ZHX2: variants seen among roughly 807,000 people sequenced by gnomAD.
The protein encoded by ZHX2 is zinc fingers and homeoboxes 2, also known as zinc fingers and homeoboxes protein 2.
Under a neutral mutation model 21.9 loss-of-function variants are expected in ZHX2, and 6 were observed. The ratio of observed to expected loss-of-function variants is 0.27; its 90% CI spans 0.15 to 0.54. ZHX2 has a LOEUF of 0.54. Ranked by LOEUF, ZHX2 falls within the 20% of genes least tolerant of loss-of-function variation. The pLI is 0.95. For synonymous variants in ZHX2, 434 were observed against 437.1 expected (o/e 0.99, Z 0.09); for missense variants, 908 against 1,090.7 (o/e 0.83, Z 2.36).
chr8:122,960,075 C>T (rs1813405874), intron 3 of ZHX2, among the ~76,000 whole-genome samples: 1 of 152,178 alleles, frequency 6.6e-6, no homozygotes, highest in South Asian at 2.1e-4. Context: ...CCCAGCATGT[C>T]CCTGCCCTCA....
intron 2 of ZHX2, among the ~76,000 whole-genome samples, chr8:122,929,835 G>A (rs898854458): frequency 1.3e-5 from 2 of 152,240 alleles, no homozygotes; most frequent in Admixed American, 6.5e-5. Flanking sequence ...ACTCTATGGC[G>A]CTATGGGAAG....
chr8:122,866,591 C>T lies in ZHX2; in HGVS notation c.-220+3052C>T, dbSNP rs144043014. On this transcript the variant is annotated intron_variant, in intron 2 of 3. Transcript: ENST00000314393. ...TATTCTAGATTCCTTTTCCCATCAA[C>T]CCCCCTGACATCTGCCAGGTGGCCA... Among the ~76,000 whole-genome samples the T allele has an allele frequency of 3.9e-3, 589 of 152,266 alleles. 4 individuals carry two copies. Among genetic ancestry groups the T allele is most frequent in the African/African-American group, 0.013 (561 of 41,556 alleles).
At chr8:122,892,666 G>A (rs1477902091) in intron 2 of ZHX2, among the ~76,000 whole-genome samples, 1 of 152,008 alleles carries the variant, frequency 6.6e-6, no homozygotes, top group East Asian at 1.9e-4. Context: ...ACTCCATTAA[G>A]CATGTCTTTT....
At chr8:122,789,562 C>T (rs928216059) in intron 1 of ZHX2, among the ~76,000 whole-genome samples, 2 of 152,120 alleles carry the variant, frequency 1.3e-5, no homozygotes, top group Non-Finnish European at 1.5e-5. Context: ...AGTGGTGGTC[C>T]GGAGGGAGTA....
At chr8:122,906,291 T>C (rs543643752) in intron 2 of ZHX2, among the ~76,000 whole-genome samples, 1 of 152,362 alleles carries the variant, frequency 6.6e-6, no homozygotes, top group African/African-American at 2.4e-5. Flanking sequence ...AGAGTTTACA[T>C]CTCAAGGATC....
intron 2 of ZHX2, among the ~76,000 whole-genome samples, chr8:122,904,707 A>G (rs964242349): frequency 1.3e-5 from 2 of 152,234 alleles, no homozygotes; most frequent in Non-Finnish European, 2.9e-5. Flanking sequence ...AGAGAAAGCT[A>G]GCTAAAACAG....
rs985604117 is a variant in ZHX2 at position 122,808,686 on chromosome 8, G to A, written c.-283+26740G>A. ...TGGTCAGGAGCGTTCAAAGCACAAT[G>A]GTTAACCCATGTAATTCATTATTTA... On this transcript the variant is annotated intron_variant, in intron 1 of 3. Coordinates refer to ENST00000314393, the MANE Select transcript of ZHX2 (RefSeq NM_014943.5). The A allele has an allele frequency of 2.6e-5, 4 of 152,124 alleles. No homozygotes were observed. In the East Asian group the frequency reaches 7.7e-4, roughly 29 times the overall value. 9.4% of individuals were successfully genotyped at this position (152,124 alleles called of 1,614,324 possible). A position where few individuals can be genotyped will look rare whatever the true frequency, so the allele number is the denominator to read the frequency against.
In ZHX2 at chr8:122,782,602, C is replaced by G. The variant is rs1176328494; in HGVS notation, c.-283+656C>G. ...GCCGTGGGCCGAGGCTGCCTCTGCT[C>G]TCGTCGCTCCCGGCGGCTGCAGGCA... On this transcript the variant is annotated intron_variant, in intron 1 of 3. Transcript: ENST00000314393. This position sits in a 1 kb window ranked among gnomAD's most constrained non-coding sequence, Gnocchi z 5.3. 6.6e-6 allele frequency among the ~76,000 whole-genome samples: 1 copy of G among 152,196 alleles called. No individual in the cohort carries two copies. The highest frequency in any genetic ancestry group is 6.5e-5 in the Admixed American group (1 of 15,286).
intron 1 of ZHX2, among the ~76,000 whole-genome samples, chr8:122,789,344 T>C (rs572744474): frequency 1.3e-5 from 2 of 152,362 alleles, no homozygotes; most frequent in East Asian, 1.9e-4. Context: ...GAGACTGGGC[T>C]GAATTGCTCT....
intron 3 of ZHX2, among the ~76,000 whole-genome samples, chr8:122,964,715 G>A (rs566448357): frequency 2.0e-5 from 1 of 49,022 alleles, no homozygotes; most frequent in South Asian, 1.2e-3. Flanking sequence ...AGTAGGATTG[G>A]TATCAATTCT....
chr8:122,909,175 A>G (rs1237399744), intron 2 of ZHX2, among the ~76,000 whole-genome samples: 1 of 152,144 alleles, frequency 6.6e-6, no homozygotes, highest in African/African-American at 2.4e-5. Flanking sequence ...TCATGCCTGT[A>G]ATCCCAGCAG....
chr8:122,793,639 G>C lies in ZHX2; in HGVS notation c.-283+11693G>C, dbSNP rs543157850. On this transcript the variant is annotated intron_variant, in intron 1 of 3. Transcript: ENST00000314393. Reference sequence around the variant, plus strand: ...GAGCACTAACTGATCTGTCATAGGAGATTTGGGAAATCAATTTTGAGAATT... The same window carrying C: ...GAGCACTAACTGATCTGTCATAGGACATTTGGGAAATCAATTTTGAGAATT... Among the ~76,000 whole-genome samples, 8 of 152,332 alleles carry C rather than the reference G, an allele frequency of 5.3e-5. No individual in the cohort carries two copies. The South Asian group carries it at 1.7e-3, about 32-fold the overall frequency.
chr8:122,827,578 G>A (rs992914765), intron 1 of ZHX2, among the ~76,000 whole-genome samples: 1 of 152,114 alleles, frequency 6.6e-6, no homozygotes, highest in Non-Finnish European at 1.5e-5. Context: ...CAGACCCAAG[G>A]TTACCCAGAT....
intron 1 of ZHX2, among the ~76,000 whole-genome samples, chr8:122,794,474 C>T (rs1241713280): frequency 6.6e-6 from 1 of 152,140 alleles, no homozygotes; most frequent in Admixed American, 6.5e-5. Flanking sequence ...CTTTCAAGAG[C>T]TTTGCAGGTA....
At chr8:122,806,592 A>T (rs1192529734) in intron 1 of ZHX2, among the ~76,000 whole-genome samples, 1 of 152,202 alleles carries the variant, frequency 6.6e-6, no homozygotes, top group African/African-American at 2.4e-5. Flanking sequence ...AGGGTTAAGC[A>T]AAGCCAACAA....
chr8:122,856,450 G>A (rs1423181513), intron 1 of ZHX2, among the ~76,000 whole-genome samples: 1 of 152,004 alleles, frequency 6.6e-6, no homozygotes, highest in Non-Finnish European at 1.5e-5. Flanking sequence ...TCTCCTTACT[G>A]TTGTTTATTT....
intron 2 of ZHX2, among the ~76,000 whole-genome samples, chr8:122,885,947 A>G (rs867378884): frequency 1.3e-5 from 2 of 152,208 alleles, no homozygotes; most frequent in Admixed American, 6.5e-5. Context: ...GGAGGCATTC[A>G]TGAAGAATTG....
At chr8:122,852,295 C>T (rs926810890) in intron 1 of ZHX2, among the ~76,000 whole-genome samples, 4 of 152,150 alleles carry the variant, frequency 2.6e-5, no homozygotes, top group African/African-American at 7.2e-5. Flanking sequence ...TTATTCCCAG[C>T]TCTATCACTA....
intron 1 of ZHX2, among the ~76,000 whole-genome samples, chr8:122,823,001 G>A (rs1245347674): frequency 9.9e-5 from 15 of 152,222 alleles, no homozygotes; most frequent in Non-Finnish European, 2.2e-4. Flanking sequence ...ACGTTGCAGG[G>A]ACAGGTGGTA....
Sources: gnomAD v4.1 joint callset for allele counts (sites outside exome capture counted in the v4.1 genomes callset) on GRCh38, gnomAD v4.1.1 for gene constraint, Gnocchi (gnomAD v3.1) non-coding constraint, MANE v1.5 for transcripts, NCBI Gene and HGNC (gene_info 2026-07-23, HGNC 2026-07-21) for gene names.